The following WFDC9 variants were observed in gnomAD, a reference collection of about 807,000 sequenced individuals.
WFDC9 encodes protein WFDC9.
WFDC9 carries 9 observed loss-of-function variants against 9.5 expected under a neutral mutation model. That is an observed-to-expected ratio of 0.95 (90% confidence interval 0.57 to 1.65). WFDC9 has a LOEUF of 1.65. WFDC9 is among the 40% of genes most tolerant of loss of function. WFDC9 has a pLI of 0.00. For missense variants in WFDC9, 87 were observed against 106.7 expected, an observed-to-expected ratio of 0.82 and a Z score of 0.81; for synonymous variants, 33 against 32.3, an observed-to-expected ratio of 1.02 and a Z score of -0.07.
intron 1 of WFDC9, chr20:45,629,493 T>C: frequency 5.1e-6 from 1 of 197,734 alleles, no homozygotes; most frequent in East Asian, 1.2e-4. Context: ...ATATTTTTTC[T>C]TTTCTTTTTT....
intron 2 of WFDC9, among the ~76,000 whole-genome samples, chr20:45,612,489 G>A (rs1287423190): frequency 6.6e-6 from 1 of 152,096 alleles, no homozygotes; most frequent in African/African-American, 2.4e-5. Flanking sequence ...CAGTGGTAAG[G>A]AGAAAAATAA....
In WFDC9 at chr20:45,607,958, T is replaced by C. The variant is rs1826168865; in HGVS notation, c.*152A>G. On this transcript the variant is annotated 3_prime_UTR_variant, in exon 5 of 5. Transcript: ENST00000326000. ...GAGCCCTCAGGTTGATGTAGCAGTT[T>C]ATTTGACAAAAGCTTCAGGGTAAAG... 1 of 862,176 alleles carries C rather than the reference T, an allele frequency of 1.2e-6. No homozygotes were observed. The highest frequency in any genetic ancestry group is 1.7e-5 in the African/African-American group (1 of 58,056). The allele number at this position is 862,176 out of a possible 1,614,324, so 53.4% of individuals were successfully genotyped here. A position where few individuals can be genotyped will look rare whatever the true frequency, so the allele number is the denominator to read the frequency against.
intron 1 of WFDC9, among the ~76,000 whole-genome samples, chr20:45,626,640 G>A (rs954629624): frequency 7.9e-5 from 12 of 152,116 alleles, no homozygotes; most frequent in Non-Finnish European, 1.8e-4. Context: ...TTTGTATCCT[G>A]TAACTTTACT....
chr20:45,620,892 A>G (rs1008703349), intron 1 of WFDC9, among the ~76,000 whole-genome samples: 5 of 152,034 alleles, frequency 3.3e-5, no homozygotes, highest in Admixed American at 3.3e-4. Flanking sequence ...GAAATTACAC[A>G]TTGTTGAATC....
At position 45,608,701 on chromosome 20, in the gene WFDC9, G is replaced by A. The variant is rs1213476119; in HGVS notation, c.201C>T (p.Cys67=). Residue 67 remains cysteine, a synonymous_variant, in exon 4 of 5, where the codon TGC becomes TGT. Transcript: ENST00000326000. Reference sequence around the variant, plus strand: ...AGATGTTTCCACAGTAGGTCCAGCAGCATGTATGATTTGGACGTACACAAG... The same window carrying A: ...AGATGTTTCCACAGTAGGTCCAGCAACATGTATGATTTGGACGTACACAAG... ...IMTCVRPNHT[C]CWTYCGNICL... 11 of 1,613,988 alleles carry A rather than the reference G, an allele frequency of 6.8e-6. No homozygotes were observed. Among genetic ancestry groups the A allele is most frequent in the Non-Finnish European group, 9.3e-6 (11 of 1,179,900 alleles).
intron 1 of WFDC9, among the ~76,000 whole-genome samples, chr20:45,622,911 C>T (rs1982133216): frequency 6.6e-6 from 1 of 152,166 alleles, no homozygotes; most frequent in East Asian, 1.9e-4. Flanking sequence ...TTATTCTCAT[C>T]CCATTAACCA....
chr20:45,626,905 A>T (rs145943675), intron 1 of WFDC9, among the ~76,000 whole-genome samples: 1 of 152,302 alleles, frequency 6.6e-6, no homozygotes, highest in Non-Finnish European at 1.5e-5. Context: ...CAGTTCTTAG[A>T]GGAAAAGTTT....
intron 1 of WFDC9, among the ~76,000 whole-genome samples, chr20:45,626,963 A>G (rs1254948913): frequency 2.6e-5 from 4 of 152,192 alleles, no homozygotes; most frequent in African/African-American, 7.2e-5. Context: ...TTTGTCATAT[A>G]TGATCTTTAT....
chr20:45,620,270 T>C (rs1248787987), intron 1 of WFDC9, among the ~76,000 whole-genome samples: 1 of 152,224 alleles, frequency 6.6e-6, no homozygotes, highest in East Asian at 1.9e-4. Context: ...TTTTAGGCTT[T>C]CTTTGTAATC....
At chr20:45,626,265 T>C (rs1334412862) in intron 1 of WFDC9, among the ~76,000 whole-genome samples, 1 of 152,214 alleles carries the variant, frequency 6.6e-6, no homozygotes, top group Non-Finnish European at 1.5e-5. Context: ...AAGGATTGCT[T>C]TGGCTATTCT....
intron 1 of WFDC9, among the ~76,000 whole-genome samples, chr20:45,618,057 C>T (rs933362124): frequency 1.3e-5 from 2 of 152,236 alleles, no homozygotes; most frequent in Admixed American, 6.5e-5. Context: ...TTAGCTAGAT[C>T]TTCTGGATAA....
rs139424988 is a variant in WFDC9, at chr20:45,626,058, G to A, written c.-153+5145C>T. On this transcript the variant is annotated intron_variant, in intron 1 of 4. Coordinates refer to ENST00000326000, the MANE Select transcript of WFDC9 (RefSeq NM_147198.4). ...GCTGATCTCGAACACCTGACCTCAT[G>A]TGATCCACCTGCCTCGGTCTCCCAA... is the stretch of plus-strand genomic sequence containing the variant. Among the ~76,000 whole-genome samples the A allele has an allele frequency of 6.4e-3, 977 of 152,100 alleles. 34 individuals carry two copies. The East Asian group carries it at 0.1, about 16-fold the overall frequency.
chr20:45,614,911 G>A (rs1316435959), intron 1 of WFDC9, among the ~76,000 whole-genome samples, 190 bp from the exon 2 acceptor site: 5 of 152,198 alleles, frequency 3.3e-5, no homozygotes, highest in Admixed American at 2.0e-4. Context: ...GAAAAGCTGG[G>A]AAGAACATTG....
intron 4 of WFDC9, 119 bp from the exon 5 acceptor site, chr20:45,608,259 A>T: frequency 8.3e-7 from 1 of 1,203,936 alleles, no homozygotes; most frequent in Non-Finnish European, 1.2e-6. Context: ...ATCAGAAGTT[A>T]CCCACTTTTA....
At chr20:45,619,023 G>A (rs953622406) in intron 1 of WFDC9, among the ~76,000 whole-genome samples, 2 of 152,186 alleles carry the variant, frequency 1.3e-5, no homozygotes, top group African/African-American at 4.8e-5. Context: ...GGACTCCAGG[G>A]ACTTGGCTGA....
Position 45,610,097 on chromosome 20 carries a change from C to T in WFDC9, c.85G>A (p.Asp29Asn). ...LPVLGSFWNKDPFLDMIRETE... is the reference protein window; with the variant it reads ...LPVLGSFWNKNPFLDMIRETE... Reference sequence around the variant, plus strand: ...CCCTTTTCACACCACCCACAGGGATCTTTGTTCCAGAAGCTTCCCAGCACA... The same window carrying T: ...CCCTTTTCACACCACCCACAGGGATTTTTGTTCCAGAAGCTTCCCAGCACA... Residue 29 changes from aspartate (D) to asparagine (N), a missense_variant, in exon 3 of 5, where the codon GAT (aspartate) becomes AAT (asparagine). Asp to Asn is a conservative substitution (Grantham distance 23). Transcript: ENST00000326000. The T allele has an allele frequency of 6.2e-7, 1 of 1,614,050 alleles. No homozygotes were observed. The highest frequency in any genetic ancestry group is 8.5e-7 in the Non-Finnish European group (1 of 1,179,970).
In WFDC9 at chr20:45,608,062, GA is replaced by G. The variant is rs1981767390; in HGVS notation, c.*47del. On this transcript the variant is annotated 3_prime_UTR_variant, in exon 5 of 5. Transcript: ENST00000326000. Reference sequence around the variant, plus strand: ...AAGGAAGTAGGCAGCACTCTTCTTAGACCAGATGGTCATCCTTCAGCCCACA... The same window carrying G: ...AAGGAAGTAGGCAGCACTCTTCTTAGCCAGATGGTCATCCTTCAGCCCACA... 6.2e-7 allele frequency: 1 copy of G among 1,610,018 alleles called. No individual in the cohort carries two copies. Among genetic ancestry groups the G allele is most frequent in the East Asian group, 2.2e-5 (1 of 44,858 alleles).
At chr20:45,620,840 C>A (rs1299613436) in intron 1 of WFDC9, among the ~76,000 whole-genome samples, 1 of 151,990 alleles carries the variant, frequency 6.6e-6, no homozygotes, top group Non-Finnish European at 1.5e-5. Context: ...GGTGGGGCAT[C>A]CTTTTTTATT....
intron 2 of WFDC9, among the ~76,000 whole-genome samples, chr20:45,612,395 T>C (rs1981880938): frequency 6.6e-6 from 1 of 152,078 alleles, no homozygotes; most frequent in African/African-American, 2.4e-5. Flanking sequence ...TGGAATATAG[T>C]GGTGAACAAA....
Sources: gnomAD v4.1 joint callset for allele counts (sites outside exome capture counted in the v4.1 genomes callset) on GRCh38, gnomAD v4.1.1 for gene constraint, MANE v1.5 for transcripts, NCBI Gene and HGNC (gene_info 2026-07-23, HGNC 2026-07-21) for gene names.